EPB41L5: variants seen among roughly 807,000 people sequenced by gnomAD.
EPB41L5 encodes band 4.1-like protein 5.
A neutral mutation model predicts 106.6 loss-of-function variants in EPB41L5; 55 were observed. That is an observed-to-expected ratio of 0.52 (90% CI 0.42 to 0.65). The LOEUF (loss-of-function observed/expected upper bound fraction) is 0.65. Ranked by LOEUF, EPB41L5 falls within the 30% of genes least tolerant of loss-of-function variation. The pLI, the probability that EPB41L5 is intolerant of heterozygous loss-of-function variation, is 0.00. For missense variants in EPB41L5, 871 were observed against 882.1 expected (o/e 0.99, Z 0.16); for synonymous variants, 297 against 306.7 (o/e 0.97, Z 0.33).
chr2:120,028,862 A>C (rs1678513800), intron 2 of EPB41L5, among the ~76,000 whole-genome samples: 1 of 152,192 alleles, frequency 6.6e-6, no homozygotes, highest in Admixed American at 6.5e-5. Context: ...AAGAGAGAAA[A>C]AGGATGGAAG....
chr2:120,047,073 A>G (rs977569962), intron 3 of EPB41L5, among the ~76,000 whole-genome samples: 7 of 152,066 alleles, frequency 4.6e-5, no homozygotes, highest in African/African-American at 1.7e-4. Flanking sequence ...GCCTTGTAGT[A>G]TGGTATGAAG....
chr2:120,135,924 G>T (rs1685904949), intron 18 of EPB41L5, among the ~76,000 whole-genome samples: 1 of 152,050 alleles, frequency 6.6e-6, no homozygotes, highest in Admixed American at 6.6e-5. Context: ...GTAATGGTAT[G>T]TACACTAACA....
chr2:120,018,804 A>C (rs1278562491), intron 1 of EPB41L5, among the ~76,000 whole-genome samples: 1 of 151,922 alleles, frequency 6.6e-6, no homozygotes, highest in East Asian at 1.9e-4. Flanking sequence ...ATGCACCACC[A>C]CACCTGGCTA....
chr2:120,060,432 A>C (rs942856765), intron 3 of EPB41L5, among the ~76,000 whole-genome samples: 1 of 152,192 alleles, frequency 6.6e-6, no homozygotes, highest in Non-Finnish European at 1.5e-5. Flanking sequence ...CTCAGCAATA[A>C]AAAGAAAAAA....
intron 1 of EPB41L5, among the ~76,000 whole-genome samples, chr2:120,015,387 C>T (rs1424128594): frequency 2.1e-4 from 32 of 151,820 alleles, no homozygotes; most frequent in Admixed American, 2.1e-3. Context: ...CTCCTGGCTT[C>T]CAACAGTTCC....
intron 3 of EPB41L5, among the ~76,000 whole-genome samples, chr2:120,059,813 G>A (rs1199649251): frequency 1.3e-5 from 2 of 152,180 alleles, no homozygotes; most frequent in Non-Finnish European, 2.9e-5. Flanking sequence ...AGCCTGGGAG[G>A]TGGAGGCTGC....
intron 3 of EPB41L5, among the ~76,000 whole-genome samples, chr2:120,045,480 A>G (rs1179221740): frequency 1.3e-5 from 2 of 152,130 alleles, no homozygotes; most frequent in Admixed American, 6.6e-5. Context: ...TGAATTCTTT[A>G]GTGTATGTGT....
At chr2:120,104,293 C>A in intron 16 of EPB41L5, 1 of 1,501,430 alleles carries the variant, frequency 6.7e-7, no homozygotes, top group Non-Finnish European at 8.9e-7. Flanking sequence ...TGATGGTATA[C>A]ATTATCTGGT....
At position 120,178,303 on chromosome 2, in the gene EPB41L5, G is replaced by A. The variant is rs1046155914; in HGVS notation, c.*3396G>A. The stretch of plus-strand genomic sequence containing the variant: ...TCACTTGGAGGCAGCCAACACTTCT[G>A]GACATTGCATCCTTATTCACACATG... On this transcript the variant is annotated 3_prime_UTR_variant, in exon 25 of 25. Coordinates refer to ENST00000263713, the MANE Select transcript of EPB41L5 (RefSeq NM_020909.4). 2.6e-5 allele frequency: 4 copies of A among 152,338 alleles called. No homozygotes were observed. The highest frequency in any genetic ancestry group is 9.6e-5 in the African/African-American group (4 of 41,456). 9.4% of individuals were successfully genotyped at this position (152,338 alleles called of 1,614,324 possible). A position where few individuals can be genotyped will look rare whatever the true frequency, so the allele number is the denominator to read the frequency against.
chr2:120,096,578 T>C (rs1683770913), intron 14 of EPB41L5, among the ~76,000 whole-genome samples: 1 of 152,008 alleles, frequency 6.6e-6, no homozygotes, highest in South Asian at 2.1e-4. Flanking sequence ...TCACCTGAGG[T>C]CAGGAGTTTG....
Position 120,068,101 on chromosome 2 carries a change from G to C in EPB41L5, c.286-5077G>C, listed in dbSNP as rs1187547782. ...TACCCAGCTCATCTCATTGGGGCTGGTTAGACAATGGGTGCAGCTCATGGA... is the reference window on the plus strand; with the variant it reads ...TACCCAGCTCATCTCATTGGGGCTGCTTAGACAATGGGTGCAGCTCATGGA... On this transcript the variant is annotated intron_variant, in intron 3 of 24. Transcript: ENST00000263713. 6.6e-5 allele frequency among the ~76,000 whole-genome samples: 10 copies of C among 152,268 alleles called. No homozygotes were observed. In the East Asian group the frequency reaches 9.7e-4, roughly 15 times the overall value.
intron 2 of EPB41L5, among the ~76,000 whole-genome samples, chr2:120,019,933 A>G (rs1236666619): frequency 4.6e-5 from 7 of 151,318 alleles, no homozygotes; most frequent in Non-Finnish European, 7.4e-5. Flanking sequence ...TCAGAAATAT[A>G]TAATCATAAC....
At position 120,090,346 on chromosome 2, in the gene EPB41L5, G is replaced by A. The variant is rs1256394485; in HGVS notation, c.874-1G>A. The A allele has an allele frequency of 6.3e-7, 1 of 1,590,908 alleles. No homozygotes were observed. Among genetic ancestry groups the A allele is most frequent in the East Asian group, 2.2e-5 (1 of 44,588 alleles). ...CTTTTATATATACTTTTCTTTTTCA[G>A]GGCAAAGAACAGGAACATACATTTG... On this transcript the variant is annotated splice_acceptor_variant, in intron 11 of 24. Coordinates refer to ENST00000263713, the MANE Select transcript of EPB41L5 (RefSeq NM_020909.4). LOFTEE classifies it high-confidence loss of function.
chr2:120,074,424 T>A, intron 5 of EPB41L5: 1 of 356,728 alleles, frequency 2.8e-6, no homozygotes, highest in Non-Finnish European at 5.0e-6. Flanking sequence ...TTCTTTTTTT[T>A]AAGTATCACT....
At chr2:120,021,640 C>A (rs1574468191) in intron 2 of EPB41L5, among the ~76,000 whole-genome samples, 6 of 151,356 alleles carry the variant, frequency 4.0e-5, no homozygotes, top group Admixed American at 4.0e-4. Flanking sequence ...GACTCCATCT[C>A]AAAAAAAAGG....
At chr2:120,027,932 G>A (rs977100252) in intron 2 of EPB41L5, among the ~76,000 whole-genome samples, 6 of 151,754 alleles carry the variant, frequency 4.0e-5, no homozygotes, top group African/African-American at 1.5e-4. Flanking sequence ...GTGCGATCTC[G>A]GCTCACTGCA....
intron 14 of EPB41L5, among the ~76,000 whole-genome samples, chr2:120,099,853 C>T (rs1684026508): frequency 6.6e-6 from 1 of 152,134 alleles, no homozygotes; most frequent in Non-Finnish European, 1.5e-5. Flanking sequence ...TTGTTGCCGA[C>T]ACTGGAAAAT....
At chr2:120,116,169 A>T (rs4849823) in intron 16 of EPB41L5, among the ~76,000 whole-genome samples, 11,465 of 152,214 alleles carry the variant, frequency 0.075, 573 homozygotes, top group Non-Finnish European at 0.11. Context: ...ATTAAATACC[A>T]ATTTAATGTC....
At chr2:120,084,264 A>G (rs1665065) in intron 10 of EPB41L5, among the ~76,000 whole-genome samples, 151,986 of 152,328 alleles carry the variant, frequency 1, 75,824 homozygotes, top group Middle Eastern at 1. Flanking sequence ...GGCTGGTACC[A>G]GTTGTTCCTT....
Sources: allele counts gnomAD v4.1 joint callset (sites outside exome capture counted in the v4.1 genomes callset), GRCh38; gene constraint gnomAD v4.1.1; transcripts MANE v1.5; gene names NCBI Gene and HGNC (gene_info 2026-07-23, HGNC 2026-07-21).